NEGR1: variants seen among roughly 807,000 people sequenced by gnomAD.
The protein encoded by NEGR1 is neuronal growth regulator 1.
Under a neutral mutation model 40.9 loss-of-function variants are expected in NEGR1, and 10 were observed. The observed-to-expected ratio is 0.24, with a 90% CI of 0.15 to 0.42. The LOEUF is 0.42. Ranked by LOEUF, NEGR1 falls within the 10% of genes least tolerant of loss-of-function variation. The probability of loss-of-function intolerance (pLI) is 1.00; values close to 1 mark genes in which losing one functional copy is unlikely to be tolerated. For synonymous variants in NEGR1, 185 were observed against 166.8 expected, an observed-to-expected ratio of 1.11 and a Z score of -0.84; for missense variants, 352 against 438.9, an observed-to-expected ratio of 0.80 and a Z score of 1.77.
intron 1 of NEGR1, among the ~76,000 whole-genome samples, chr1:72,093,329 C>CAAAA (rs11370565): frequency 1.7e-5 from 2 of 118,840 alleles, no homozygotes; most frequent in East Asian, 4.7e-4. Context: ...GACTCTGCCT[C>CAAAA]AAAAAAAAAA....
chr1:72,276,872 G>A (rs1225984267), intron 1 of NEGR1, among the ~76,000 whole-genome samples: 1 of 152,090 alleles, frequency 6.6e-6, no homozygotes, highest in African/African-American at 2.4e-5. Context: ...TATTTTAAAG[G>A]AGATGGAATA....
chr1:71,982,676 G>T (rs1392587563), intron 1 of NEGR1, among the ~76,000 whole-genome samples: 2 of 152,058 alleles, frequency 1.3e-5, no homozygotes, highest in Non-Finnish European at 2.9e-5. Flanking sequence ...TTGCATACAT[G>T]TAAAACTCCA....
chr1:71,785,541 T>A (rs1048584138), intron 2 of NEGR1, among the ~76,000 whole-genome samples: 1 of 152,132 alleles, frequency 6.6e-6, no homozygotes, highest in Non-Finnish European at 1.5e-5. Flanking sequence ...GAATTTATAT[T>A]AAGGAAAGCA....
At chr1:71,894,538 C>T (rs1361096353) in intron 2 of NEGR1, among the ~76,000 whole-genome samples, 3 of 152,158 alleles carry the variant, frequency 2.0e-5, no homozygotes, top group Non-Finnish European at 4.4e-5. Flanking sequence ...CCCCATTTGA[C>T]AGATAAGGAA....
chr1:72,059,456 A>G (rs1557505876), intron 1 of NEGR1, among the ~76,000 whole-genome samples: 2 of 151,598 alleles, frequency 1.3e-5, no homozygotes, highest in South Asian at 2.1e-4. Flanking sequence ...CCAGATCTAG[A>G]CACCCTTTCA....
At chr1:71,614,273 C>T (rs1227274564) in intron 4 of NEGR1, among the ~76,000 whole-genome samples, 1 of 151,560 alleles carries the variant, frequency 6.6e-6, no homozygotes, top group Non-Finnish European at 1.5e-5. Flanking sequence ...ATATATAAAT[C>T]ATATATGTAT....
chr1:71,737,620 A>T (rs1655080816), intron 3 of NEGR1, among the ~76,000 whole-genome samples: 3 of 152,204 alleles, frequency 2.0e-5, no homozygotes, highest in African/African-American at 7.2e-5. Flanking sequence ...TATTAACTCT[A>T]TTAATTTGTT....
chr1:71,753,290 T>C (rs1289439545), intron 3 of NEGR1, among the ~76,000 whole-genome samples: 1 of 152,128 alleles, frequency 6.6e-6, no homozygotes, highest in African/African-American at 2.4e-5. Context: ...TTACCTAAAT[T>C]ATTTTGGGTT....
intron 3 of NEGR1, among the ~76,000 whole-genome samples, chr1:71,729,311 C>T (rs539382849): frequency 4.5e-4 from 68 of 152,258 alleles, no homozygotes; most frequent in African/African-American, 1.5e-3. Context: ...TCTTCCTTGC[C>T]CTATCATTCC....
chr1:71,866,525 A>C (rs542215217), intron 2 of NEGR1, among the ~76,000 whole-genome samples: 1 of 152,312 alleles, frequency 6.6e-6, no homozygotes, highest in East Asian at 1.9e-4. Flanking sequence ...TAATGACGTA[A>C]ATATCTGACC....
At chr1:72,257,305 G>A (rs1376274179) in intron 1 of NEGR1, among the ~76,000 whole-genome samples, 2 of 119,272 alleles carry the variant, frequency 1.7e-5, no homozygotes, top group Non-Finnish European at 3.2e-5. Flanking sequence ...CTGGGCGACA[G>A]AGCGAGACTC....
chr1:71,847,407 C>A (rs1320196564), intron 2 of NEGR1, among the ~76,000 whole-genome samples: 1 of 152,104 alleles, frequency 6.6e-6, no homozygotes, highest in Admixed American at 6.5e-5. Flanking sequence ...TCTATCAGCA[C>A]CATTTTTTCA....
intron 1 of NEGR1, among the ~76,000 whole-genome samples, chr1:72,204,094 A>G (rs1160156072): frequency 6.6e-6 from 1 of 152,064 alleles, no homozygotes; most frequent in East Asian, 1.9e-4. Flanking sequence ...TTCCAAGGTA[A>G]GCTTCTAGAG....
intron 1 of NEGR1, among the ~76,000 whole-genome samples, chr1:72,082,623 A>G (rs1314973397): frequency 6.6e-6 from 1 of 152,014 alleles, no homozygotes; most frequent in Admixed American, 6.6e-5. Context: ...TTATTCACTG[A>G]TAAGAATGAA....
At chr1:71,665,485 T>C (rs1182541328) in intron 4 of NEGR1, among the ~76,000 whole-genome samples, 3 of 152,212 alleles carry the variant, frequency 2.0e-5, no homozygotes, top group Non-Finnish European at 2.9e-5. Flanking sequence ...GGAGGATAGA[T>C]GCAAGGACTA....
At chr1:71,456,368 A>G (rs1646673007) in intron 6 of NEGR1, among the ~76,000 whole-genome samples, 1 of 152,166 alleles carries the variant, frequency 6.6e-6, no homozygotes, top group South Asian at 2.1e-4. Context: ...TCAACCTCTC[A>G]AACTGCTAGG....
chr1:71,695,971 T>G (rs2101626960), intron 4 of NEGR1, among the ~76,000 whole-genome samples: 1 of 151,896 alleles, frequency 6.6e-6, no homozygotes, highest in South Asian at 2.1e-4. Flanking sequence ...CACCTAGCCC[T>G]CATCTTATCA....
chr1:71,978,410 A>AT lies in NEGR1; in HGVS notation c.177-43100dup, dbSNP rs1207599984. ...TTATTTAATTCTGAGGTTCCAATGT[A>AT]TTCATGTTTTCTACCCTGGACTTTG... On this transcript the variant is annotated intron_variant, in intron 1 of 6. Transcript: ENST00000357731. Among the ~76,000 whole-genome samples, 3 of 152,128 alleles carry AT rather than the reference A, an allele frequency of 2.0e-5. No individual in the cohort carries two copies. The East Asian group carries it at 5.8e-4, about 29-fold the overall frequency.
At chr1:71,994,247 G>A (rs906825506) in intron 1 of NEGR1, among the ~76,000 whole-genome samples, 2 of 152,070 alleles carry the variant, frequency 1.3e-5, no homozygotes, top group African/African-American at 2.4e-5. Context: ...TCATCACAAC[G>A]GCCTGGTGTG....
Sources: gnomAD v4.1 joint callset for allele counts (sites outside exome capture counted in the v4.1 genomes callset) on GRCh38, gnomAD v4.1.1 for gene constraint, MANE v1.5 for transcripts, NCBI Gene and HGNC (gene_info 2026-07-23, HGNC 2026-07-21) for gene names.